Variants in CCDC178 observed in about 807,000 individuals in gnomAD.
CCDC178 encodes the protein coiled-coil domain-containing protein 178.
Under a neutral mutation model 117.4 loss-of-function variants are expected in CCDC178, and 126 were observed. The ratio of observed to expected loss-of-function variants is 1.07; its 90% confidence interval spans 0.93 to 1.24. The LOEUF (loss-of-function observed/expected upper bound fraction) is 1.24. Among genes scored for constraint, CCDC178 ranks in the 50% most tolerant of loss-of-function variants. CCDC178 has a pLI of 0.00. For synonymous variants in CCDC178, 283 were observed against 313.4 expected (o/e 0.90, Z 1.02); for missense variants, 1,030 against 986.9 (o/e 1.04, Z -0.59).
intron 21 of CCDC178, among the ~76,000 whole-genome samples, chr18:33,034,388 G>A (rs940062778): frequency 2.0e-5 from 3 of 151,886 alleles, no homozygotes; most frequent in African/African-American, 7.3e-5. Flanking sequence ...AGCTTTTTAT[G>A]TAAACTAGTA....
chr18:33,215,846 G>A, intron 18 of CCDC178, 151 bp from the exon 19 acceptor site: 8 of 549,142 alleles, frequency 1.5e-5, no homozygotes, highest in Non-Finnish European at 2.4e-5. Flanking sequence ...CAGCACTTTG[G>A]GAAGTCAAAG....
chr18:33,261,424 C>G (rs529105239), intron 14 of CCDC178, among the ~76,000 whole-genome samples: 1 of 150,806 alleles, frequency 6.6e-6, no homozygotes, highest in South Asian at 2.1e-4. Context: ...GGTATGCCCC[C>G]CTCTATTGAT....
chr18:33,116,073 C>T (rs548644880), intron 20 of CCDC178, among the ~76,000 whole-genome samples: 6 of 152,026 alleles, frequency 3.9e-5, no homozygotes, highest in African/African-American at 7.2e-5. Context: ...TGAGCTTAGC[C>T]GTCAAGGTAA....
rs764006433 is a variant in CCDC178, at chr18:33,211,945, C to G, written c.2189G>C (p.Arg730Thr). ...CEERIFEEDQ[R>T]FRVLLAVRQK... ...TCTTACAGCAAGGAGCACTCTAAAT[C>G]TCTGATCTTCCTCAAAGATTCTCTC... The change falls in exon 20 of 23, where the codon AGA becomes ACA. Residue 730 changes from arginine (R) to threonine (T), a missense_variant. Transcript: ENST00000383096. The G allele has an allele frequency of 6.8e-6, 11 of 1,610,146 alleles. No individual in the cohort carries two copies. Among genetic ancestry groups the G allele is most frequent in the Non-Finnish European group, 9.3e-6 (11 of 1,178,226 alleles).
chr18:33,406,082 G>A (rs1347224662), intron 3 of CCDC178, among the ~76,000 whole-genome samples: 1 of 152,004 alleles, frequency 6.6e-6, no homozygotes, highest in African/African-American at 2.4e-5. Flanking sequence ...AAGAGAGAGA[G>A]AAGTAAGATA....
intron 14 of CCDC178, 73 bp from the exon 15 acceptor site, chr18:33,245,501 G>T: frequency 4.8e-6 from 6 of 1,249,282 alleles, no homozygotes; most frequent in Non-Finnish European, 6.2e-6. Context: ...TAGTAAAAAA[G>T]AATAAGATCA....
chr18:33,398,069 A>G (rs898703678), intron 3 of CCDC178, among the ~76,000 whole-genome samples: 63 of 152,238 alleles, frequency 4.1e-4, no homozygotes, highest in African/African-American at 1.4e-3. Flanking sequence ...TTTAAATTTT[A>G]AAAATGAGCA....
rs764344449 is a variant in CCDC178, at chr18:33,092,822, T to C, written c.2327A>G (p.Asn776Ser). 9.0e-6 allele frequency: 14 copies of C among 1,562,958 alleles called. No individual in the cohort carries two copies. In the Admixed American group the frequency reaches 2.0e-4, roughly 22 times the overall value. ...CTGTTTATCATATATATTGAAATAATTGTCCTTTTCTTTTAAGAATGTAAT... is the reference window on the plus strand; with the variant it reads ...CTGTTTATCATATATATTGAAATAACTGTCCTTTTCTTTTAAGAATGTAAT... ...LQITFLKEKDNYFNIYDKQLS... is the reference protein window; with the variant it reads ...LQITFLKEKDSYFNIYDKQLS... Residue 776 changes from asparagine (N) to serine (S), a missense_variant, in exon 21 of 23, where the codon AAT (asparagine) becomes AGT (serine). Asn to Ser is a conservative substitution (Grantham distance 46). Coordinates refer to ENST00000383096, the MANE Select transcript of CCDC178 (RefSeq NM_001105528.4).
chr18:32,938,647 A>C (rs1211199728), intron 22 of CCDC178, among the ~76,000 whole-genome samples: 1 of 152,150 alleles, frequency 6.6e-6, no homozygotes, highest in Admixed American at 6.6e-5. Context: ...GTACTTAATA[A>C]TTAGTAAAAT....
chr18:32,994,217 T>C (rs908038058), intron 21 of CCDC178, among the ~76,000 whole-genome samples: 4 of 152,176 alleles, frequency 2.6e-5, no homozygotes, highest in African/African-American at 9.7e-5. Flanking sequence ...TATTCCATTC[T>C]TTTTCTCCAA....
chr18:33,419,580 C>G (rs2063995133), intron 2 of CCDC178, among the ~76,000 whole-genome samples: 1 of 151,980 alleles, frequency 6.6e-6, no homozygotes, highest in African/African-American at 2.4e-5. Flanking sequence ...CTTGAGCAAA[C>G]TAACTAATAA....
intron 2 of CCDC178, among the ~76,000 whole-genome samples, chr18:33,428,057 A>G (rs1482874313): frequency 6.6e-6 from 1 of 152,184 alleles, no homozygotes; most frequent in Admixed American, 6.5e-5. Flanking sequence ...TTATGAAAAA[A>G]CTATTTTGTG....
chr18:32,945,626 C>T (rs2054328959), intron 22 of CCDC178, among the ~76,000 whole-genome samples: 1 of 152,050 alleles, frequency 6.6e-6, no homozygotes, highest in African/African-American at 2.4e-5. Context: ...CATGGCTTAA[C>T]ATATTGAAGC....
chr18:33,118,269 G>C (rs976184745), intron 20 of CCDC178, among the ~76,000 whole-genome samples: 2 of 151,900 alleles, frequency 1.3e-5, no homozygotes, highest in Admixed American at 6.6e-5. Context: ...TCTAGACAGG[G>C]GACAGAGCTG....
chr18:33,080,168 T>C (rs1302145703), intron 21 of CCDC178, among the ~76,000 whole-genome samples: 1 of 152,004 alleles, frequency 6.6e-6, no homozygotes, highest in East Asian at 1.9e-4. Context: ...ACAACTAATG[T>C]AGGAACAGAA....
At chr18:32,961,867 A>C (rs1158206783) in intron 22 of CCDC178, among the ~76,000 whole-genome samples, 2 of 152,090 alleles carry the variant, frequency 1.3e-5, no homozygotes, top group Non-Finnish European at 2.9e-5. Flanking sequence ...CCTTGGTCTA[A>C]TGTAATATAT....
chr18:33,261,563 A>G (rs1011091277), intron 14 of CCDC178, among the ~76,000 whole-genome samples: 1 of 152,010 alleles, frequency 6.6e-6, no homozygotes, highest in African/African-American at 2.4e-5. Context: ...TATCTTTTCA[A>G]TTTTATTTCT....
At chr18:33,013,083 T>G (rs1488669360) in intron 21 of CCDC178, among the ~76,000 whole-genome samples, 1 of 152,296 alleles carries the variant, frequency 6.6e-6, no homozygotes, top group East Asian at 1.9e-4. Context: ...ACATTTTTCC[T>G]TTTATAGGAT....
chr18:32,980,046 T>C (rs1158428286), intron 21 of CCDC178, among the ~76,000 whole-genome samples: 1 of 152,018 alleles, frequency 6.6e-6, no homozygotes. Flanking sequence ...AAAAGTAAAG[T>C]AGATTGAAAT....
Sources: gnomAD v4.1 joint callset for allele counts (sites outside exome capture counted in the v4.1 genomes callset) on GRCh38, gnomAD v4.1.1 for gene constraint, MANE v1.5 for transcripts, NCBI Gene and HGNC (gene_info 2026-07-23, HGNC 2026-07-21) for gene names.